Variants in ALKBH8 observed in about 807,000 individuals in gnomAD.
ALKBH8 encodes the protein tRNA (carboxymethyluridine(34)-5-O)-methyltransferase ALKBH8.
In ALKBH8, 36 loss-of-function variants were observed where a neutral mutation model predicts 59.8. That is an observed-to-expected ratio of 0.60 (90% CI 0.46 to 0.79). ALKBH8 has a LOEUF of 0.79. Among genes scored for constraint, ALKBH8 ranks in the 30% least tolerant of loss-of-function variants. The probability of loss-of-function intolerance (pLI) is 0.00; values close to 1 mark genes in which losing one functional copy is unlikely to be tolerated. For synonymous variants in ALKBH8, 276 were observed against 273.6 expected (o/e 1.01, Z -0.09); for missense variants, 768 against 801.0 (o/e 0.96, Z 0.50).
intron 5 of ALKBH8, among the ~76,000 whole-genome samples, chr11:107,552,358 TTAAG>T (rs140364687): frequency 0.067 from 10,130 of 151,978 alleles, 489 homozygotes; most frequent in Admixed American, 0.16. Flanking sequence ...AAGAAAAGCC[TTAAG>T]TGAGACCAAA....
At chr11:107,523,902 G>A (rs1863240582) in intron 9 of ALKBH8, among the ~76,000 whole-genome samples, 1 of 151,654 alleles carries the variant, frequency 6.6e-6, no homozygotes, top group Non-Finnish European at 1.5e-5. Flanking sequence ...GCACCCAGCC[G>A]AGAATAAATT....
In ALKBH8 at chr11:107,504,873, C is replaced by T. The variant is rs768164852; in HGVS notation, c.1780G>A (p.Val594Ile). 2 of 1,551,724 alleles carry T rather than the reference C, an allele frequency of 1.3e-6. No homozygotes were observed. Among genetic ancestry groups the T allele is most frequent in the Non-Finnish European group, 1.7e-6 (2 of 1,146,962 alleles). The change falls in exon 12 of 12, where the codon GTT becomes ATT. Residue 594 changes from valine to isoleucine, a missense_variant. Physicochemically the swap from Val to Ile is conservative, Grantham distance 29 (BLOSUM62 3). Transcript: ENST00000428149. ...RTSFYSQDVL[V>I]PWHLKGNPDK... is the part of the protein sequence containing the mutation. ...GGATTTCCCTTAAGGTGCCAGGGAA[C>T]CAGTACATCTTGAGAATAAAAAGAA...
At chr11:107,556,285 C>CAA (rs200071405) in intron 3 of ALKBH8, among the ~76,000 whole-genome samples, 5 of 135,784 alleles carry the variant, frequency 3.7e-5, no homozygotes, top group Admixed American at 2.8e-4. Context: ...TCTCAAAAAG[C>CAA]AAAAAAATAA....
intron 11 of ALKBH8, among the ~76,000 whole-genome samples, chr11:107,506,341 A>AATC (rs1391924405): frequency 3.3e-5 from 5 of 152,106 alleles, no homozygotes; most frequent in African/African-American, 9.7e-5. Flanking sequence ...TTTAACATAA[A>AATC]ATGCCCAGCA....
chr11:107,556,535 C>T (rs1214573316), intron 3 of ALKBH8, among the ~76,000 whole-genome samples: 1 of 152,164 alleles, frequency 6.6e-6, no homozygotes, highest in African/African-American at 2.4e-5. Context: ...ATATTGTTGA[C>T]TGGTGGGACT....
At chr11:107,510,456 T>C (rs567464805) in intron 11 of ALKBH8, among the ~76,000 whole-genome samples, 21 of 151,880 alleles carry the variant, frequency 1.4e-4, no homozygotes, top group Admixed American at 1.2e-3. Context: ...AACACTCACA[T>C]GTCAGGGATA....
At chr11:107,514,899 G>C (rs1371084352) in intron 10 of ALKBH8, among the ~76,000 whole-genome samples, 1 of 151,932 alleles carries the variant, frequency 6.6e-6, no homozygotes, top group Non-Finnish European at 1.5e-5. Flanking sequence ...CCACAGATAA[G>C]ACAGAACATG....
intron 2 of ALKBH8, among the ~76,000 whole-genome samples, chr11:107,557,468 A>G (rs1040418729): frequency 3.9e-5 from 6 of 152,192 alleles, no homozygotes; most frequent in African/African-American, 1.2e-4. Flanking sequence ...TCATAGAAGA[A>G]GATCTGACAA....
rs908014696 is a variant in ALKBH8, at chr11:107,522,463, C to T, written c.1123G>A (p.Val375Ile). The change falls in exon 10 of 12, where the codon GTC (valine) becomes ATC (isoleucine). Residue 375 changes from valine (V) to isoleucine (I), a missense_variant. By Grantham distance (29) the Val-to-Ile change is conservative. Transcript: ENST00000428149. ...GCAATCTCTTCATAAACCTGATGGA[C>T]GTACTCTTGCTCCAGCCGTGAGGCT... is the stretch of plus-strand genomic sequence containing the variant. ...KEASRLEQEY[V>I]HQVYEEIAGH... is the part of the protein sequence containing the mutation. 17 of 1,551,614 alleles carry T rather than the reference C, an allele frequency of 1.1e-5. No homozygotes were observed. Among genetic ancestry groups the T allele is most frequent in the Non-Finnish European group, 1.5e-5 (17 of 1,147,026 alleles).
chr11:107,514,531 A>G (rs1439743919), intron 10 of ALKBH8, among the ~76,000 whole-genome samples: 2 of 152,212 alleles, frequency 1.3e-5, no homozygotes, highest in Non-Finnish European at 2.9e-5. Context: ...AGGGCCTATT[A>G]ATAACAATAG....
rs986842394 is a variant in ALKBH8, at chr11:107,504,642, G to A, written c.*16C>T. 7 of 1,540,954 alleles carry A rather than the reference G, an allele frequency of 4.5e-6. No homozygotes were observed. Among genetic ancestry groups the A allele is most frequent in the Non-Finnish European group, 6.1e-6 (7 of 1,142,518 alleles). ...TGAGCATTTCTTCTTTATATATGAT[G>A]TGTTCAGGTAAATAATCAGGCCTTT... On this transcript the variant is annotated 3_prime_UTR_variant, in exon 12 of 12. Coordinates refer to ENST00000428149, the MANE Select transcript of ALKBH8 (RefSeq NM_138775.3).
In ALKBH8 at chr11:107,505,181, C is replaced by T. The variant is rs996997657; in HGVS notation, c.1472G>A (p.Arg491Gln). 18 of 1,547,484 alleles carry T rather than the reference C, an allele frequency of 1.2e-5. No individual in the cohort carries two copies. The highest frequency in any genetic ancestry group is 9.6e-5 in the South Asian group (8 of 83,684). Reference sequence around the variant, plus strand: ...TGCCTTCCCACCTGGTCTCAGGAGTCGAACAATTTCTTGGAGAGCTGCCAC... The same window carrying T: ...TGCCTTCCCACCTGGTCTCAGGAGTTGAACAATTTCTTGGAGAGCTGCCAC... ...RRVAALQEIV[R>Q]LLRPGGKALI... Residue 491 changes from arginine to glutamine, a missense_variant, in exon 12 of 12, where the codon CGA (arginine) becomes CAA (glutamine). Physicochemically the swap from Arg to Gln is conservative, Grantham distance 43 (BLOSUM62 1). Coordinates refer to ENST00000428149, the MANE Select transcript of ALKBH8 (RefSeq NM_138775.3).
chr11:107,543,842 C>T (rs149542646), intron 7 of ALKBH8, among the ~76,000 whole-genome samples: 4 of 152,034 alleles, frequency 2.6e-5, no homozygotes, highest in African/African-American at 9.7e-5. Context: ...AAATGTAAAA[C>T]CCCACATTCA....
chr11:107,527,841 C>A (rs903937712), intron 8 of ALKBH8, among the ~76,000 whole-genome samples: 1 of 151,874 alleles, frequency 6.6e-6, no homozygotes, highest in African/African-American at 2.4e-5. Context: ...GCTAAGATAT[C>A]CAATATAGCA....
intron 3 of ALKBH8, among the ~76,000 whole-genome samples, chr11:107,554,718 C>T (rs1241530481): frequency 6.6e-6 from 1 of 152,124 alleles, no homozygotes; most frequent in African/African-American, 2.4e-5. Flanking sequence ...CTATTAATAA[C>T]ATTTCAGAAA....
intron 7 of ALKBH8, among the ~76,000 whole-genome samples, chr11:107,534,863 G>A (rs923509145): frequency 2.6e-5 from 4 of 151,794 alleles, no homozygotes; most frequent in Non-Finnish European, 5.9e-5. Flanking sequence ...CATCACCCGA[G>A]CAGTGTACAC....
At chr11:107,563,770 AAT>A (rs1046443919) in intron 1 of ALKBH8, 1 of 152,202 alleles carries the variant, frequency 6.6e-6, no homozygotes, top group African/African-American at 2.4e-5. Flanking sequence ...AACGATGCTA[AAT>A]ATATCTTTTT....
rs1399406175 is a variant in ALKBH8 at position 107,565,612 on chromosome 11, C to T, written c.-18G>A. On this transcript the variant is annotated 5_prime_UTR_variant, in exon 1 of 12. Transcript: ENST00000428149. ...GAAGTGCCACACACCTCCGCTTCGG[C>T]TCAGGCCGGATTCTCACCATGCGTG... The T allele has an allele frequency of 2.0e-6, 3 of 1,535,638 alleles. No homozygotes were observed. In the South Asian group the frequency reaches 3.6e-5, roughly 18 times the overall value.
chr11:107,535,107 A>G (rs1032172495), intron 7 of ALKBH8, among the ~76,000 whole-genome samples: 2 of 152,194 alleles, frequency 1.3e-5, no homozygotes, highest in Non-Finnish European at 1.5e-5. Context: ...ATGGCTGAGT[A>G]GTATTCCATT....
Sources: gnomAD v4.1 joint callset for allele counts (sites outside exome capture counted in the v4.1 genomes callset) on GRCh38, gnomAD v4.1.1 for gene constraint, MANE v1.5 for transcripts, NCBI Gene and HGNC (gene_info 2026-07-23, HGNC 2026-07-21) for gene names.